The following CACNA2D1 variants were observed in gnomAD, a reference collection of about 807,000 sequenced individuals.
CACNA2D1 encodes the protein voltage-dependent calcium channel subunit alpha-2/delta-1.
Under a neutral mutation model 171.5 loss-of-function variants are expected in CACNA2D1, and 53 were observed. The observed-to-expected ratio is 0.31, with a 90% CI of 0.25 to 0.39. The LOEUF (loss-of-function observed/expected upper bound fraction) is 0.39. Ranked by LOEUF, CACNA2D1 falls within the 10% of genes least tolerant of loss-of-function variation. The pLI is 1.00. For missense variants in CACNA2D1, 903 were observed against 1,299.8 expected, an observed-to-expected ratio of 0.69 and a Z score of 4.69; for synonymous variants, 442 against 443.1, an observed-to-expected ratio of 1.00 and a Z score of 0.03.
Position 81,969,883 on chromosome 7 carries a change from T to A in CACNA2D1, c.2306A>T (p.Asn769Ile). The A allele has an allele frequency of 6.5e-7, 1 of 1,544,854 alleles. No individual in the cohort carries two copies. The highest frequency in any genetic ancestry group is 2.3e-5 in the East Asian group (1 of 44,392). The change falls in exon 28 of 39, where the codon AAC becomes ATC. Residue 769 changes from asparagine to isoleucine, a missense_variant and splice_region_variant. This residue lies in a region of CACNA2D1 where 623 missense variants were observed against 925.5 expected (regional missense o/e 0.67). Coordinates refer to ENST00000356860, the MANE Select transcript of CACNA2D1 (RefSeq NM_000722.4). The stretch of plus-strand genomic sequence containing the variant: ...CTGAATTCCAAAGCAATACTTACTG[T>A]TAAAGTAGGGAGCAGTGAAAACATA... ...DNYVFTAPYF[N>I]KSGPGAYESG...
intron 21 of CACNA2D1, among the ~76,000 whole-genome samples, chr7:81,987,656 T>C (rs900799601): frequency 6.6e-6 from 1 of 152,320 alleles, no homozygotes; most frequent in Non-Finnish European, 1.5e-5. Context: ...AACATTTTGT[T>C]CTAAATTGCT....
At chr7:82,327,257 C>T (rs570882194) in intron 3 of CACNA2D1, among the ~76,000 whole-genome samples, 32 of 152,134 alleles carry the variant, frequency 2.1e-4, no homozygotes, top group Non-Finnish European at 4.4e-4. Flanking sequence ...TAGCTAAAAC[C>T]ACATTTCTTA....
chr7:82,085,623 C>T (rs1031914832), intron 6 of CACNA2D1, among the ~76,000 whole-genome samples: 2 of 151,506 alleles, frequency 1.3e-5, no homozygotes, highest in Non-Finnish European at 2.9e-5. Flanking sequence ...TACTCAGAGG[C>T]TTGACAATAT....
intron 24 of CACNA2D1, among the ~76,000 whole-genome samples, chr7:81,976,104 T>C (rs1795808315): frequency 5.3e-5 from 8 of 152,134 alleles, no homozygotes; most frequent in Admixed American, 3.9e-4. Flanking sequence ...CTTCTAGTTT[T>C]ATCACATATA....
At chr7:82,345,044 AC>A (rs1276920467) in intron 2 of CACNA2D1, among the ~76,000 whole-genome samples, 8 of 152,142 alleles carry the variant, frequency 5.3e-5, no homozygotes, top group Non-Finnish European at 8.8e-5. Context: ...AGTCAGGATC[AC>A]CAATGATTAA....
intron 10 of CACNA2D1, among the ~76,000 whole-genome samples, chr7:82,040,526 A>G (rs1032107748): frequency 5.9e-5 from 9 of 152,066 alleles, no homozygotes; most frequent in Admixed American, 2.0e-4. Flanking sequence ...CAAAACAAAA[A>G]AAAGTAGAGT....
intron 3 of CACNA2D1, among the ~76,000 whole-genome samples, chr7:82,330,145 C>T (rs952211835): frequency 6.6e-6 from 1 of 151,886 alleles, no homozygotes; most frequent in African/African-American, 2.4e-5. Context: ...TCTTTCAGCT[C>T]TTCATAAGGC....
Position 81,964,092 on chromosome 7 carries a change from A to C in CACNA2D1, c.2744T>G (p.Ile915Arg). ...AGTGGCCCACCAGCCAATTTGTAAT[A>C]TGTCTGCTACTGATGGCTATAAAAT... ...RSAYVPSVAD[I>R]LQIGWWATAA... Residue 915 changes from isoleucine (I) to arginine (R), a missense_variant, in exon 34 of 39, where the codon ATA (isoleucine) becomes AGA (arginine). Ile to Arg is a moderately conservative substitution (Grantham distance 97). This residue lies in a region of CACNA2D1 where 623 missense variants were observed against 925.5 expected (regional missense o/e 0.67). Coordinates refer to ENST00000356860, the MANE Select transcript of CACNA2D1 (RefSeq NM_000722.4). The C allele has an allele frequency of 6.2e-7, 1 of 1,612,254 alleles. No homozygotes were observed. Among genetic ancestry groups the C allele is most frequent in the Non-Finnish European group, 8.5e-7 (1 of 1,178,918 alleles).
chr7:82,240,430 T>G (rs1397652565), intron 3 of CACNA2D1, among the ~76,000 whole-genome samples: 2 of 152,220 alleles, frequency 1.3e-5, no homozygotes, highest in Non-Finnish European at 2.9e-5. Context: ...ATTTTGGATC[T>G]AAATCTATTA....
chr7:82,031,757 A>AT, intron 12 of CACNA2D1, among the ~76,000 whole-genome samples: 1 of 152,024 alleles, frequency 6.6e-6, no homozygotes, highest in Admixed American at 6.6e-5. Flanking sequence ...GAACATATTC[A>AT]TTTTTGTCTC....
chr7:82,226,835 C>T (rs34540499), intron 3 of CACNA2D1, among the ~76,000 whole-genome samples: 135 of 152,218 alleles, frequency 8.9e-4, no homozygotes, highest in South Asian at 1.7e-3. Context: ...ATATTTTCAA[C>T]ATTTCCTTCT....
intron 10 of CACNA2D1, among the ~76,000 whole-genome samples, 200 bp downstream of exon 10, chr7:82,060,223 ATATAT>A (rs1806654063): frequency 5.8e-5 from 1 of 17,364 alleles, no homozygotes. Context: ...TATATATATA[ATATAT>A]ATATATAATA....
At chr7:81,993,116 A>G (rs928654419) in intron 20 of CACNA2D1, among the ~76,000 whole-genome samples, 3 of 152,162 alleles carry the variant, frequency 2.0e-5, no homozygotes, top group African/African-American at 7.2e-5. Context: ...GATTCATATA[A>G]TTTCTCATTT....
chr7:82,241,110 G>C (rs1488350561), intron 3 of CACNA2D1, among the ~76,000 whole-genome samples: 1 of 152,076 alleles, frequency 6.6e-6, no homozygotes, highest in Non-Finnish European at 1.5e-5. Context: ...AAGTGGCATC[G>C]AATTCTCAGT....
intron 3 of CACNA2D1, among the ~76,000 whole-genome samples, chr7:82,268,732 A>C (rs1808242308): frequency 6.6e-6 from 1 of 152,160 alleles, no homozygotes; most frequent in East Asian, 1.9e-4. Context: ...GACCAAAAAA[A>C]AAAAAAAGAC....
chr7:82,415,546 A>T (rs184906731), intron 1 of CACNA2D1, among the ~76,000 whole-genome samples: 52 of 152,120 alleles, frequency 3.4e-4, no homozygotes, highest in Middle Eastern at 3.4e-3. Context: ...AAACAAAAAA[A>T]AACCCTGAAA....
intron 16 of CACNA2D1, among the ~76,000 whole-genome samples, chr7:82,007,134 G>A (rs1799199230): frequency 6.6e-6 from 1 of 151,718 alleles, no homozygotes; most frequent in Non-Finnish European, 1.5e-5. Context: ...CAAAAAACCA[G>A]TGCTATAAAA....
chr7:82,357,716 TG>T (rs1196716915), intron 1 of CACNA2D1, among the ~76,000 whole-genome samples: 7 of 23,990 alleles, frequency 2.9e-4, no homozygotes, highest in South Asian at 1.8e-3. Context: ...TGTTGTGGGG[TG>T]GGGGGTGGGG....
intron 3 of CACNA2D1, among the ~76,000 whole-genome samples, chr7:82,315,469 CAAAGT>C (rs1815002547): frequency 6.6e-6 from 1 of 151,952 alleles, no homozygotes; most frequent in African/African-American, 2.4e-5. Context: ...TTTCAGTCAT[CAAAGT>C]AAACATCAAT....
Sources: allele counts gnomAD v4.1 joint callset (sites outside exome capture counted in the v4.1 genomes callset), GRCh38; gene constraint gnomAD v4.1.1; regional missense constraint gnomAD v4.1.1; transcripts MANE v1.5; gene names NCBI Gene and HGNC (gene_info 2026-07-23, HGNC 2026-07-21).